The following UGT2B15 variants were observed in gnomAD, a reference collection of about 807,000 sequenced individuals.
The protein encoded by UGT2B15 is UDP glucuronosyltransferase family 2 member B15.
A neutral mutation model predicts 45.9 loss-of-function variants in UGT2B15; 36 were observed. The ratio of observed to expected loss-of-function variants is 0.78; its 90% CI spans 0.60 to 1.04. UGT2B15 has a LOEUF of 1.04. Among genes scored for constraint, UGT2B15 ranks in the 50% least tolerant of loss-of-function variants. The pLI is 0.00. For synonymous variants in UGT2B15, 219 were observed against 216.4 expected, an observed-to-expected ratio of 1.01 and a Z score of -0.11; for missense variants, 617 against 622.4, an observed-to-expected ratio of 0.99 and a Z score of 0.09.
At chr4:68,661,060 C>T (rs1732951264) in intron 3 of UGT2B15, among the ~76,000 whole-genome samples, 3 of 152,002 alleles carry the variant, frequency 2.0e-5, no homozygotes, top group Admixed American at 2.0e-4. Context: ...TAACTCAGGA[C>T]CTGCTTAGGA....
At chr4:68,659,781 A>G (rs1382017741) in intron 3 of UGT2B15, among the ~76,000 whole-genome samples, 1 of 152,020 alleles carries the variant, frequency 6.6e-6, no homozygotes, top group Non-Finnish European at 1.5e-5. Context: ...TTGTGACATT[A>G]GAATGGAAGA....
chr4:68,669,786 A>T, intron 1 of UGT2B15, 109 bp downstream of exon 1: 1 of 1,431,316 alleles, frequency 7.0e-7, no homozygotes. Context: ...TTTGCAATTC[A>T]TAATTTCCCT....
intron 4 of UGT2B15, 117 bp downstream of exon 4, chr4:68,654,978 T>G: frequency 7.8e-7 from 1 of 1,289,618 alleles, no homozygotes; most frequent in Non-Finnish European, 1.1e-6. Context: ...TAGTTAAATT[T>G]GATTTGTTTT....
intron 2 of UGT2B15, 143 bp downstream of exon 2, chr4:68,667,897 G>T: frequency 1.5e-6 from 2 of 1,350,878 alleles, no homozygotes; most frequent in African/African-American, 1.5e-5. Context: ...TGATACTACA[G>T]AAATATATGA....
intron 5 of UGT2B15, among the ~76,000 whole-genome samples, chr4:68,649,083 T>G (rs1407079495): frequency 6.6e-6 from 1 of 151,914 alleles, no homozygotes; most frequent in Non-Finnish European, 1.5e-5. Flanking sequence ...TTTTGTTGAC[T>G]GAATTTTTTA....
intron 5 of UGT2B15, among the ~76,000 whole-genome samples, chr4:68,652,608 G>A (rs909411258): frequency 5.9e-5 from 9 of 151,412 alleles, no homozygotes; most frequent in African/African-American, 2.2e-4. Flanking sequence ...AGCTGGTCTA[G>A]GCACAGCATT....
At chr4:68,660,985 T>C (rs1056837112) in intron 3 of UGT2B15, among the ~76,000 whole-genome samples, 4 of 152,028 alleles carry the variant, frequency 2.6e-5, no homozygotes, top group Admixed American at 6.6e-5. Context: ...TTTCTCCCTT[T>C]CTCCCTTTAT....
chr4:68,661,124 T>C (rs1732953495), intron 3 of UGT2B15, among the ~76,000 whole-genome samples: 1 of 151,982 alleles, frequency 6.6e-6, no homozygotes, highest in Non-Finnish European at 1.5e-5. Context: ...CAGAGACTCA[T>C]TTTCTTCTAA....
intron 4 of UGT2B15, 93 bp downstream of exon 4, chr4:68,655,002 A>C (rs1360761869): frequency 2.8e-6 from 4 of 1,435,282 alleles, no homozygotes; most frequent in Non-Finnish European, 2.9e-6. Context: ...GTTTTCCAAT[A>C]ATAAATGCTA....
At chr4:68,656,827 C>T (rs568467489) in intron 3 of UGT2B15, among the ~76,000 whole-genome samples, 11 of 151,804 alleles carry the variant, frequency 7.2e-5, no homozygotes, top group South Asian at 2.1e-4. Context: ...GCTCTGTTTT[C>T]CTATGTTGAA....
chr4:68,664,310 C>T (rs761668390), intron 2 of UGT2B15, among the ~76,000 whole-genome samples: 9 of 150,138 alleles, frequency 6.0e-5, no homozygotes, highest in Non-Finnish European at 4.4e-5. Flanking sequence ...GAAATGTAGA[C>T]CCATAAGTTT....
rs766584520 is a variant in UGT2B15 at position 68,646,957 on chromosome 4, C to A, written c.*147G>T. The stretch of plus-strand genomic sequence containing the variant: ...TTCAGCTAAAGTACGTATTAAATCC[C>A]TGGAAAATAAATTTTGTCTTAACAA... On this transcript the variant is annotated 3_prime_UTR_variant, in exon 6 of 6. Coordinates refer to ENST00000338206, the MANE Select transcript of UGT2B15 (RefSeq NM_001076.4). 53 of 1,255,324 alleles carry A rather than the reference C, an allele frequency of 4.2e-5. No individual in the cohort carries two copies. Among genetic ancestry groups the A allele is most frequent in the Non-Finnish European group, 4.7e-5 (43 of 909,248 alleles). 77.8% of individuals were successfully genotyped at this position (1,255,324 alleles called of 1,614,324 possible). A position where few individuals can be genotyped will look rare whatever the true frequency, so the allele number is the denominator to read the frequency against.
At chr4:68,664,800 G>T (rs1287046658) in intron 2 of UGT2B15, among the ~76,000 whole-genome samples, 1 of 152,066 alleles carries the variant, frequency 6.6e-6, no homozygotes, top group African/African-American at 2.4e-5. Context: ...TCCTGACCTT[G>T]TGATCCACCC....
intron 3 of UGT2B15, 91 bp from the exon 4 acceptor site, chr4:68,655,273 T>G (rs1326836730): frequency 2.2e-5 from 32 of 1,427,200 alleles, no homozygotes; most frequent in Non-Finnish European, 1.9e-6. Flanking sequence ...ATCAGTTAGT[T>G]AATCCATATA....
chr4:68,663,295 GTAATA>G (rs1217477791), intron 2 of UGT2B15, among the ~76,000 whole-genome samples, 156 bp from the exon 3 acceptor site: 6 of 151,534 alleles, frequency 4.0e-5, no homozygotes, highest in Admixed American at 6.6e-5. Flanking sequence ...AAGGAGATGT[GTAATA>G]TAATATATGT....
At chr4:68,655,829 G>C (rs1732787804) in intron 3 of UGT2B15, among the ~76,000 whole-genome samples, 1 of 151,986 alleles carries the variant, frequency 6.6e-6, no homozygotes, top group South Asian at 2.1e-4. Flanking sequence ...CTGTGTCATG[G>C]GTGCACATTT....
chr4:68,654,359 A>G (rs539785297), intron 4 of UGT2B15, 103 bp from the exon 5 acceptor site: 30 of 1,142,980 alleles, frequency 2.6e-5, no homozygotes, highest in Non-Finnish European at 3.7e-5. Context: ...TTCCCTAGGT[A>G]ACATTATACC....
At chr4:68,666,752 A>ATTTTTTTTT (rs775748401) in intron 2 of UGT2B15, among the ~76,000 whole-genome samples, 4 of 127,892 alleles carry the variant, frequency 3.1e-5, no homozygotes, top group African/African-American at 9.0e-5. Flanking sequence ...ATATATATAT[A>ATTTTTTTTT]TTTTTTTTTT....
Position 68,646,921 on chromosome 4 carries a change from A to G in UGT2B15, c.*183T>C. On this transcript the variant is annotated 3_prime_UTR_variant, in exon 6 of 6. Coordinates refer to ENST00000338206, the MANE Select transcript of UGT2B15 (RefSeq NM_001076.4). ...ATTTTTCATAGCTTAAAAATCATTG[A>G]CATAGAATAATTCAGCTAAAGTACG... 1.3e-6 allele frequency: 1 copy of G among 757,656 alleles called. No individual in the cohort carries two copies. The highest frequency in any genetic ancestry group is 1.9e-6 in the Non-Finnish European group (1 of 531,860). The allele number at this position is 757,656 out of a possible 1,614,324, so 46.9% of individuals were successfully genotyped here. A position where few individuals can be genotyped will look rare whatever the true frequency, so the allele number is the denominator to read the frequency against.
Sources: gnomAD v4.1 joint callset for allele counts (sites outside exome capture counted in the v4.1 genomes callset) on GRCh38, gnomAD v4.1.1 for gene constraint, MANE v1.5 for transcripts, NCBI Gene and HGNC (gene_info 2026-07-23, HGNC 2026-07-21) for gene names.